Variants in VPS13A observed in about 807,000 individuals in gnomAD.
VPS13A encodes the protein intermembrane lipid transfer protein VPS13A.
Under a neutral mutation model 390.9 loss-of-function variants are expected in VPS13A, and 264 were observed. The ratio of observed to expected loss-of-function variants is 0.68; its 90% CI spans 0.61 to 0.75. VPS13A has a LOEUF of 0.75. VPS13A is among the 30% of genes least tolerant of loss of function. The pLI is 0.00. For synonymous variants in VPS13A, 1,231 were observed against 1,227.1 expected (o/e 1.00, Z -0.07); for missense variants, 3,409 against 3,733.9 (o/e 0.91, Z 2.27).
intron 10 of VPS13A, among the ~76,000 whole-genome samples, chr9:77,217,068 A>G (rs766100725): frequency 8.5e-5 from 13 of 152,192 alleles, no homozygotes; most frequent in Non-Finnish European, 1.2e-4. Context: ...CAGAAGTTGC[A>G]TCTTTCAATA....
chr9:77,210,790 C>A, intron 7 of VPS13A, 115 bp downstream of exon 7: 1 of 1,037,050 alleles, frequency 9.6e-7, no homozygotes, highest in Non-Finnish European at 1.5e-6. Context: ...AACGGGTGCA[C>A]AAAGGGTCTT....
At chr9:77,357,628 A>C in intron 55 of VPS13A, 64 bp from the exon 56 acceptor site, 1 of 1,549,330 alleles carries the variant, frequency 6.5e-7, no homozygotes, top group South Asian at 1.2e-5. Flanking sequence ...TTTTGGCATT[A>C]ATTTCTAATT....
intron 53 of VPS13A, 69 bp from the exon 54 acceptor site, chr9:77,353,340 A>G: frequency 8.1e-7 from 1 of 1,238,540 alleles, no homozygotes; most frequent in Non-Finnish European, 1.2e-6. Flanking sequence ...GTGAAATCTA[A>G]ATTTCATGTT....
chr9:77,359,945 CAT>C (rs1832049923), intron 58 of VPS13A, among the ~76,000 whole-genome samples: 1 of 151,802 alleles, frequency 6.6e-6, no homozygotes, highest in Non-Finnish European at 1.5e-5. Context: ...TGTCTATAAT[CAT>C]ATATTGTTTT....
chr9:77,402,079 C>G (rs947173925), intron 68 of VPS13A, among the ~76,000 whole-genome samples: 1 of 152,072 alleles, frequency 6.6e-6, no homozygotes, highest in African/African-American at 2.4e-5. Context: ...TTATTTTTTT[C>G]TGAATCTGTA....
intron 68 of VPS13A, among the ~76,000 whole-genome samples, chr9:77,385,453 A>G (rs892615568): frequency 6.6e-6 from 1 of 151,684 alleles, no homozygotes; most frequent in African/African-American, 2.4e-5. Flanking sequence ...TCTATTATGA[A>G]TTCAGAATAT....
chr9:77,295,017 T>C (rs1827897840), intron 32 of VPS13A, among the ~76,000 whole-genome samples: 1 of 152,086 alleles, frequency 6.6e-6, no homozygotes, highest in Non-Finnish European at 1.5e-5. Flanking sequence ...TTGAGCCCTC[T>C]TGTACTTATA....
chr9:77,317,131 T>C (rs1413381118), intron 39 of VPS13A, among the ~76,000 whole-genome samples: 2 of 152,024 alleles, frequency 1.3e-5, no homozygotes, highest in Non-Finnish European at 2.9e-5. Flanking sequence ...AGATGTAATT[T>C]TGATACAATG....
chr9:77,298,891 CT>C (rs1345509098), intron 33 of VPS13A, among the ~76,000 whole-genome samples: 4 of 152,118 alleles, frequency 2.6e-5, no homozygotes, highest in African/African-American at 9.7e-5. Context: ...CTCTTTTTGC[CT>C]GCCGCTGTGT....
At chr9:77,405,821 C>G in intron 69 of VPS13A, 43 bp from the exon 70 acceptor site, 1 of 1,608,238 alleles carries the variant, frequency 6.2e-7, no homozygotes, top group South Asian at 1.1e-5. Flanking sequence ...ATATAAGTGC[C>G]TCAATTTTAA....
chr9:77,275,727 A>G lies in VPS13A; in HGVS notation c.2667+75A>G, dbSNP rs189759539. 1,462 of 1,481,064 alleles carry G rather than the reference A, an allele frequency of 9.9e-4. 2 individuals are homozygous for G. The highest frequency in any genetic ancestry group is 2.1e-3 in the South Asian group (179 of 85,440). The allele number at this position is 1,481,064 out of a possible 1,614,324, so 91.7% of individuals were successfully genotyped here. A position where few individuals can be genotyped will look rare whatever the true frequency, so the allele number is the denominator to read the frequency against. ...TATTTACAGCTTACTATATAGTCTC[A>G]TTGTTAAGAAGCACTATCTTTTTCA... On this transcript the variant is annotated intron_variant, in intron 25 of 71. Transcript: ENST00000360280.
intron 7 of VPS13A, 93 bp downstream of exon 7, chr9:77,210,768 G>A: frequency 7.6e-7 from 1 of 1,307,360 alleles, no homozygotes; most frequent in Non-Finnish European, 1.1e-6. Context: ...TCAGAAATAG[G>A]TGTCTATGTA....
chr9:77,408,978 A>G (rs1834768271), intron 71 of VPS13A, among the ~76,000 whole-genome samples: 1 of 152,206 alleles, frequency 6.6e-6, no homozygotes, highest in African/African-American at 2.4e-5. Context: ...TGGACATCTG[A>G]GAATGGACAG....
At chr9:77,264,856 G>A (rs1429432213) in intron 23 of VPS13A, among the ~76,000 whole-genome samples, 1 of 152,100 alleles carries the variant, frequency 6.6e-6, no homozygotes, top group Non-Finnish European at 1.5e-5. Flanking sequence ...GGTGAGAGAG[G>A]GCATTCTTGT....
intron 50 of VPS13A, among the ~76,000 whole-genome samples, chr9:77,342,457 T>C (rs1830887872): frequency 6.6e-6 from 1 of 152,034 alleles, no homozygotes; most frequent in South Asian, 2.1e-4. Flanking sequence ...AAAATGATTG[T>C]TTATTGGTAA....
chr9:77,181,907 A>T (rs1215339725), intron 1 of VPS13A, among the ~76,000 whole-genome samples: 1 of 152,216 alleles, frequency 6.6e-6, no homozygotes, highest in Admixed American at 6.5e-5. Context: ...CTTACAGGGG[A>T]TGAAAAAGGA....
At chr9:77,177,895 G>A in intron 1 of VPS13A, 91 bp downstream of exon 1, 1 of 1,226,150 alleles carries the variant, frequency 8.2e-7, no homozygotes, top group South Asian at 1.3e-5. Context: ...GGGGCTTCGA[G>A]CACCTTGCTC....
chr9:77,226,466 G>A lies in VPS13A; in HGVS notation c.1225G>A (p.Val409Ile), dbSNP rs1823523302. The A allele has an allele frequency of 3.1e-6, 5 of 1,605,884 alleles. No homozygotes were observed. Among genetic ancestry groups the A allele is most frequent in the African/African-American group, 2.7e-5 (2 of 74,690 alleles). Residue 409 changes from valine to isoleucine, a missense_variant and splice_region_variant, in exon 15 of 72, where the codon GTA becomes ATA. Transcript: ENST00000360280. ...TIARQTAEVEVKKAGYKIYKE... is the reference protein window; with the variant it reads ...TIARQTAEVEIKKAGYKIYKE... ...TTATTTGAAAATTTATTCATTTTAG[G>A]TAAAGAAAGCTGGATACAAAATTTA...
rs188515976 is a variant in VPS13A at position 77,257,006 on chromosome 9, G to C, written c.2289-3080G>C. Among the ~76,000 whole-genome samples the C allele has an allele frequency of 2.7e-3, 416 of 152,038 alleles. 1 individual carries two copies. Among genetic ancestry groups the C allele is most frequent in the African/African-American group, 9.4e-3 (391 of 41,476 alleles). On this transcript the variant is annotated intron_variant, in intron 22 of 71. Transcript: ENST00000360280. Reference sequence around the variant, plus strand: ...ATTTACATTTAAAGTAAATACAGATGGGGAGGACTTACTTTTGTCATATTG... The same window carrying C: ...ATTTACATTTAAAGTAAATACAGATCGGGAGGACTTACTTTTGTCATATTG...
Sources: allele counts gnomAD v4.1 joint callset (sites outside exome capture counted in the v4.1 genomes callset), GRCh38; gene constraint gnomAD v4.1.1; transcripts MANE v1.5; gene names NCBI Gene and HGNC (gene_info 2026-07-23, HGNC 2026-07-21).